SPAG9: variants seen among roughly 807,000 people sequenced by gnomAD.
SPAG9 encodes the protein C-Jun-amino-terminal kinase-interacting protein 4.
A neutral mutation model predicts 166.5 loss-of-function variants in SPAG9; 35 were observed. The ratio of observed to expected loss-of-function variants is 0.21; its 90% CI spans 0.16 to 0.28. The LOEUF is 0.28. SPAG9 is among the 10% of genes least tolerant of loss of function. The pLI is 1.00. For synonymous variants in SPAG9, 534 were observed against 565.5 expected, an observed-to-expected ratio of 0.94 and a Z score of 0.79; for missense variants, 1,235 against 1,603.3, an observed-to-expected ratio of 0.77 and a Z score of 3.92.
chr17:51,046,672 G>A (rs1374904795), intron 4 of SPAG9: 13 of 1,536,032 alleles, frequency 8.5e-6, no homozygotes, highest in Non-Finnish European at 1.1e-5. Context: ...GCGCTGTGCT[G>A]GCATGGTGAA....
chr17:50,995,173 C>T lies in SPAG9; in HGVS notation c.2110G>A (p.Gly704Ser). 6.2e-7 allele frequency: 1 copy of T among 1,614,122 alleles called. No individual in the cohort carries two copies. Residue 704 changes from glycine to serine, a missense_variant, in exon 18 of 30, where the codon GGT (glycine) becomes AGT (serine). Transcript: ENST00000262013. Reference protein sequence around the residue: ...NLSGGKTRDGGSVVGASVFYK... With the variant: ...NLSGGKTRDGSSVVGASVFYK... ...AATACACTTGCTCCAACAACAGAAC[C>T]ACCATCTCTGGTCTTCCCACCAGAT...
At chr17:51,103,157 G>A (rs1203156888) in intron 1 of SPAG9, among the ~76,000 whole-genome samples, 2 of 152,106 alleles carry the variant, frequency 1.3e-5, no homozygotes, top group African/African-American at 2.4e-5. Context: ...ACCAGAAGTA[G>A]GAACGATAAT....
intron 19 of SPAG9, among the ~76,000 whole-genome samples, chr17:50,991,641 G>A (rs1255019335): frequency 2.0e-5 from 3 of 147,784 alleles, no homozygotes; most frequent in Non-Finnish European, 4.5e-5. Flanking sequence ...TTTTTTTTTG[G>A]CGACAGAGTT....
In SPAG9 at chr17:50,962,642, T is replaced by C. The variant is rs1973184571; in HGVS notation, c.*3630A>G. ...CAATTAAGAAGAGCCCTAAATCTGG[T>C]TGAGTCCTTTGGTAACGGTCATAAT... On this transcript the variant is annotated 3_prime_UTR_variant, in exon 30 of 30. Transcript: ENST00000262013. 6.6e-6 allele frequency: 1 copy of C among 152,204 alleles called. No individual in the cohort carries two copies. Among genetic ancestry groups the C allele is most frequent in the Non-Finnish European group, 1.5e-5 (1 of 68,038 alleles). 9.4% of individuals were successfully genotyped at this position (152,204 alleles called of 1,614,324 possible). A position where few individuals can be genotyped will look rare whatever the true frequency, so the allele number is the denominator to read the frequency against.
intron 5 of SPAG9, among the ~76,000 whole-genome samples, chr17:51,036,733 C>G (rs972080227): frequency 6.6e-6 from 1 of 152,046 alleles, no homozygotes; most frequent in Non-Finnish European, 1.5e-5. Flanking sequence ...ACCAGGCTAC[C>G]CCATATGGAT....
In SPAG9 at chr17:51,001,786, G is replaced by A. The variant is rs766469756; in HGVS notation, c.1536C>T (p.Leu512=). ...TCTCTTTATACTGGTTTCGCTCCAT[G>A]AGAACACGGGCCATTTCTACTCTAG... The part of the protein sequence containing the change: ...RFTRVEMARV[L]MERNQYKERL... Residue 512 remains leucine (L), a synonymous_variant, in exon 13 of 30, where the codon CTC becomes CTT. Transcript: ENST00000262013. 1 of 1,613,446 alleles carries A rather than the reference G, an allele frequency of 6.2e-7. No individual in the cohort carries two copies. Among genetic ancestry groups the A allele is most frequent in the Admixed American group, 1.7e-5 (1 of 59,954 alleles).
intron 26 of SPAG9, among the ~76,000 whole-genome samples, chr17:50,979,435 A>G (rs1272278650): frequency 6.6e-6 from 1 of 151,648 alleles, no homozygotes; most frequent in Non-Finnish European, 1.5e-5. Flanking sequence ...ACTTTCAATG[A>G]TAAAAGTTCA....
chr17:51,082,391 A>C (rs1266377051), intron 1 of SPAG9, among the ~76,000 whole-genome samples: 8 of 151,148 alleles, frequency 5.3e-5, no homozygotes, highest in East Asian at 1.9e-4. Flanking sequence ...AAAAAAAAAA[A>C]AAAAAAAAAA....
intron 2 of SPAG9, among the ~76,000 whole-genome samples, chr17:51,071,616 C>T (rs2047822307): frequency 6.6e-6 from 1 of 152,310 alleles, no homozygotes; most frequent in South Asian, 2.1e-4. Flanking sequence ...ATTATAGACT[C>T]AACTTTTCAA....
At chr17:51,008,206 C>A (rs937414220) in intron 9 of SPAG9, among the ~76,000 whole-genome samples, 2 of 152,030 alleles carry the variant, frequency 1.3e-5, no homozygotes, top group Non-Finnish European at 2.9e-5. Context: ...TGTCTTTGAT[C>A]GTGTTTGGCA....
chr17:51,043,434 T>G (rs2046914713), intron 4 of SPAG9, among the ~76,000 whole-genome samples: 1 of 152,218 alleles, frequency 6.6e-6, no homozygotes, highest in Non-Finnish European at 1.5e-5. Flanking sequence ...TAGAACCCTG[T>G]TCTTTCTTGA....
intron 7 of SPAG9, 100 bp from the exon 8 acceptor site, chr17:51,020,358 A>AT (rs2144170922): frequency 2.8e-6 from 2 of 725,396 alleles, no homozygotes; most frequent in South Asian, 3.6e-5. Flanking sequence ...TCATTTGAAC[A>AT]TTTTTTTAAA....
chr17:50,966,335 A>G lies in SPAG9; in HGVS notation c.3903T>C (p.Pro1301=). ...ELLGEDLPLE[P]SVTKAERSHL... is the part of the protein sequence containing the mutation. ...GACTCCTTTCTGCTTTGGTGACAGA[A>G]GGTTCAAGTGGAAGATCCTCTCCAA... The change falls in exon 30 of 30, where the codon CCT becomes CCC. Residue 1301 remains proline, a synonymous_variant. Transcript: ENST00000262013. The G allele has an allele frequency of 1.2e-6, 2 of 1,614,094 alleles. No individual in the cohort carries two copies. Among genetic ancestry groups the G allele is most frequent in the Non-Finnish European group, 1.7e-6 (2 of 1,179,964 alleles).
intron 1 of SPAG9, among the ~76,000 whole-genome samples, chr17:51,096,570 T>C (rs1225870671): frequency 1.3e-5 from 2 of 152,146 alleles, no homozygotes; most frequent in African/African-American, 4.8e-5. Flanking sequence ...AAACCTGGCA[T>C]CCTATTTCTA....
At chr17:51,098,035 G>A (rs575415394) in intron 1 of SPAG9, among the ~76,000 whole-genome samples, 96 of 152,018 alleles carry the variant, frequency 6.3e-4, no homozygotes, top group African/African-American at 2.2e-3. Context: ...TGTTGCTCAG[G>A]CTGGTTTCAA....
chr17:50,975,918 G>A, intron 27 of SPAG9: 3 of 1,532,954 alleles, frequency 2.0e-6, no homozygotes, highest in East Asian at 2.4e-5. Flanking sequence ...TGAGAAAGGA[G>A]GAAAGGGGAC....
intron 15 of SPAG9, 134 bp from the exon 16 acceptor site, chr17:50,996,828 T>C (rs1597946578): frequency 1.2e-6 from 1 of 851,428 alleles, no homozygotes; most frequent in East Asian, 2.7e-5. Context: ...TTATTTCAAC[T>C]ATAACAGCTC....
chr17:51,014,426 TAGGC>T (rs1182041016), intron 8 of SPAG9, 73 bp from the exon 9 acceptor site: 2 of 1,326,390 alleles, frequency 1.5e-6, no homozygotes, highest in Non-Finnish European at 2.1e-6. Context: ...ATGAATACAA[TAGGC>T]TAAGCTACAT....
Position 50,979,823 on chromosome 17 carries a change from G to A in SPAG9, c.3332C>T (p.Thr1111Met), listed in dbSNP as rs1490200609. 8 of 1,614,056 alleles carry A rather than the reference G, an allele frequency of 5.0e-6. No homozygotes were observed. The highest frequency in any genetic ancestry group is 3.3e-5 in the Admixed American group (2 of 60,008). ...GVWVSIRLDS[T>M]LRLYHAHTYQ... is the part of the protein sequence containing the mutation. The stretch of plus-strand genomic sequence containing the variant: ...AGTGTGTGCATGATAGAGACGGAGC[G>A]TAGAATCCAAGCGAATGGAGACCCA... Residue 1111 changes from threonine to methionine, a missense_variant, in exon 26 of 30, where the codon ACG becomes ATG. Thr to Met is a moderately conservative substitution (Grantham distance 81, BLOSUM62 -1). Transcript: ENST00000262013.
Sources: allele counts gnomAD v4.1 joint callset (sites outside exome capture counted in the v4.1 genomes callset), GRCh38; gene constraint gnomAD v4.1.1; transcripts MANE v1.5; gene names NCBI Gene and HGNC (gene_info 2026-07-23, HGNC 2026-07-21).